RIGI: variants seen among roughly 807,000 people sequenced by gnomAD.
RIGI encodes the protein antiviral innate immune response receptor RIG-I.
At chr9:32,457,961 T>C in the RIGI span, among the ~76,000 whole-genome samples, 396 of 152,306 alleles carry the variant, frequency 2.6e-3, 1 homozygote, top group Non-Finnish European at 4.6e-3. Flanking sequence ...GGGCCATTTT[T>C]AGTAGAACAA....
the RIGI span, among the ~76,000 whole-genome samples, chr9:32,518,197 T>C: frequency 6.6e-6 from 1 of 152,120 alleles, no homozygotes. Context: ...TAAAGTTTAT[T>C]AATAATTATG....
the RIGI span, among the ~76,000 whole-genome samples, chr9:32,471,758 A>G: frequency 1.1e-4 from 16 of 152,342 alleles, no homozygotes; most frequent in African/African-American, 3.4e-4. Flanking sequence ...GAGGAACAAC[A>G]AAGTTTGAAA....
At chr9:32,470,963 T>C in the RIGI span, among the ~76,000 whole-genome samples, 174 of 152,360 alleles carry the variant, frequency 1.1e-3, no homozygotes, top group Non-Finnish European at 2.1e-3. Flanking sequence ...ACAGAATTTA[T>C]AGAAGCTCCA....
chr9:32,508,239 A>ATTTATTTTTTTTTTTTTTTTTTTTTT, the RIGI span, among the ~76,000 whole-genome samples: 1 of 70,336 alleles, frequency 1.4e-5, no homozygotes, highest in Non-Finnish European at 2.6e-5. Flanking sequence ...TATTTACTTA[A>ATTTATTTTTTTTTTTTTTTTTTTTTT]TTTTTTTTTT....
the RIGI span, chr9:32,457,036 A>G: frequency 9.7e-7 from 1 of 1,027,982 alleles, no homozygotes; most frequent in Non-Finnish European, 1.5e-6. Context: ...CAGGGGTACA[A>G]GCGATCCATG....
the RIGI span, among the ~76,000 whole-genome samples, chr9:32,509,165 G>A: frequency 6.6e-6 from 1 of 152,172 alleles, no homozygotes; most frequent in Non-Finnish European, 1.5e-5. Flanking sequence ...GGGCAGCTGT[G>A]GGCACAGCTT....
At chr9:32,476,482 G>A in the RIGI span, among the ~76,000 whole-genome samples, 7 of 151,998 alleles carry the variant, frequency 4.6e-5, no homozygotes, top group Non-Finnish European at 1.0e-4. Flanking sequence ...TCCAGCCTAG[G>A]TGACAGAGTG....
At chr9:32,486,748 G>A in the RIGI span, among the ~76,000 whole-genome samples, 8 of 152,152 alleles carry the variant, frequency 5.3e-5, no homozygotes, top group African/African-American at 1.9e-4. Context: ...GTTTGGAGGT[G>A]ATGAAGCTCA....
the RIGI span, chr9:32,500,884 G>T: frequency 6.2e-7 from 1 of 1,614,134 alleles, no homozygotes; most frequent in Non-Finnish European, 8.5e-7. Context: ...GAAAAAGTGT[G>T]GCAGCCTCCA....
the RIGI span, chr9:32,481,285 G>A: frequency 6.5e-7 from 1 of 1,546,674 alleles, no homozygotes; most frequent in South Asian, 1.2e-5. Flanking sequence ...CTTCCACGGT[G>A]CCACTCCCAG....
chr9:32,477,505 T>C, the RIGI span, among the ~76,000 whole-genome samples: 10 of 152,332 alleles, frequency 6.6e-5, no homozygotes, highest in Non-Finnish European at 1.3e-4. Flanking sequence ...ATGCATCTGA[T>C]GTTAATACAA....
At chr9:32,520,999 A>G in the RIGI span, among the ~76,000 whole-genome samples, 1 of 151,690 alleles carries the variant, frequency 6.6e-6, no homozygotes, top group African/African-American at 2.4e-5. Flanking sequence ...TACAAAAATT[A>G]GCCAAGTGTG....
At chr9:32,509,900 G>A in the RIGI span, among the ~76,000 whole-genome samples, 1 of 151,930 alleles carries the variant, frequency 6.6e-6, no homozygotes, top group Non-Finnish European at 1.5e-5. Context: ...TGAATGACCT[G>A]ATGTAGCCAA....
chr9:32,493,071 A>T, the RIGI span, among the ~76,000 whole-genome samples: 3 of 152,338 alleles, frequency 2.0e-5, no homozygotes, highest in South Asian at 6.2e-4. Context: ...TTTACACACA[A>T]GGAAACAGAT....
At chr9:32,493,330 A>G in the RIGI span, among the ~76,000 whole-genome samples, 1 of 152,246 alleles carries the variant, frequency 6.6e-6, no homozygotes, top group Non-Finnish European at 1.5e-5. Flanking sequence ...AGTTCACATT[A>G]AAAGTACTAT....
the RIGI span, among the ~76,000 whole-genome samples, chr9:32,480,564 A>C: frequency 6.6e-6 from 1 of 152,258 alleles, no homozygotes; most frequent in African/African-American, 2.4e-5. Context: ...TCAATTAGCT[A>C]GTAACATTAA....
At chr9:32,466,690 CAAAAAA>C in the RIGI span, among the ~76,000 whole-genome samples, 22,769 of 67,618 alleles carry the variant, frequency 0.34, 1,938 homozygotes, top group South Asian at 0.44. Flanking sequence ...AGACCTATCT[CAAAAAA>C]AAAAAAAAAA....
the RIGI span, among the ~76,000 whole-genome samples, chr9:32,464,320 T>A: frequency 6.6e-6 from 1 of 152,146 alleles, no homozygotes; most frequent in Non-Finnish European, 1.5e-5. Flanking sequence ...GGCTCACCCC[T>A]AGAACCATAA....
chr9:32,482,417 G>A, the RIGI span, among the ~76,000 whole-genome samples: 1 of 152,162 alleles, frequency 6.6e-6, no homozygotes, highest in African/African-American at 2.4e-5. Context: ...ACCCACATGT[G>A]TCAGATGCCC....
Sources: allele counts gnomAD v4.1 joint callset (sites outside exome capture counted in the v4.1 genomes callset), GRCh38; gene constraint gnomAD v4.1.1; transcripts MANE v1.5; gene names NCBI Gene and HGNC (gene_info 2026-07-23, HGNC 2026-07-21).